The following TRPM3 variants were observed in gnomAD, a reference collection of about 807,000 sequenced individuals.
TRPM3 encodes the protein transient receptor potential cation channel subfamily M member 3, also known as long transient receptor potential channel 3.
TRPM3 carries 77 observed loss-of-function variants against 181.2 expected under a neutral mutation model. The ratio of observed to expected loss-of-function variants is 0.42; its 90% CI spans 0.35 to 0.51. The LOEUF is 0.51. Ranked by LOEUF, TRPM3 falls within the 20% of genes least tolerant of loss-of-function variation. TRPM3 has a pLI of 0.01. For missense variants in TRPM3, 1,759 were observed against 2,196.7 expected, an observed-to-expected ratio of 0.80 and a Z score of 3.98; for synonymous variants, 745 against 796.4, an observed-to-expected ratio of 0.94 and a Z score of 1.09.
intron 1 of TRPM3, among the ~76,000 whole-genome samples, chr9:71,166,688 T>G (rs2076556344): frequency 6.6e-6 from 1 of 152,228 alleles, no homozygotes; most frequent in African/African-American, 2.4e-5. Context: ...TTCATGGCCA[T>G]GTAGTCTTTA....
chr9:70,802,939 T>C (rs2089539189), intron 6 of TRPM3, among the ~76,000 whole-genome samples: 1 of 150,322 alleles, frequency 6.7e-6, no homozygotes, highest in African/African-American at 2.4e-5. Flanking sequence ...CTTCTTCTCA[T>C]TTCAAAAGAG....
chr9:71,000,392 T>G (rs944233177), intron 1 of TRPM3, among the ~76,000 whole-genome samples: 2 of 152,218 alleles, frequency 1.3e-5, no homozygotes, highest in African/African-American at 4.8e-5. Context: ...TAAAATAAAG[T>G]GCTAAAGTGG....
intron 1 of TRPM3, among the ~76,000 whole-genome samples, chr9:71,050,602 T>G (rs1480413317): frequency 2.0e-5 from 3 of 152,254 alleles, no homozygotes; most frequent in African/African-American, 7.2e-5. Flanking sequence ...CTTTATATAC[T>G]ACTTGTTGGC....
chr9:71,238,292 C>G (rs936663409), intron 1 of TRPM3, among the ~76,000 whole-genome samples: 5 of 152,108 alleles, frequency 3.3e-5, no homozygotes, highest in African/African-American at 1.2e-4. Flanking sequence ...GCTTCCTTCC[C>G]TACACATCAT....
intron 1 of TRPM3, among the ~76,000 whole-genome samples, chr9:71,104,904 T>A (rs1181364596): frequency 2.6e-5 from 4 of 152,218 alleles, no homozygotes; most frequent in African/African-American, 2.4e-5. Context: ...GGAAATGGTA[T>A]GATCATTTTG....
intron 1 of TRPM3, among the ~76,000 whole-genome samples, chr9:70,975,942 G>A (rs1009759964): frequency 3.3e-5 from 5 of 152,144 alleles, no homozygotes; most frequent in Non-Finnish European, 5.9e-5. Flanking sequence ...TACCCAAAGC[G>A]TCAAGCATAG....
chr9:70,812,957 G>A (rs1345982121), intron 6 of TRPM3, among the ~76,000 whole-genome samples: 1 of 152,128 alleles, frequency 6.6e-6, no homozygotes, highest in African/African-American at 2.4e-5. Flanking sequence ...ATGGTCTTAA[G>A]GGGGAAAATT....
intron 1 of TRPM3, among the ~76,000 whole-genome samples, chr9:71,091,771 G>T (rs1158166714): frequency 1.3e-5 from 2 of 151,884 alleles, no homozygotes; most frequent in Non-Finnish European, 2.9e-5. Context: ...TATTGATAAA[G>T]AAAATCAATG....
At chr9:71,101,122 T>C (rs2134052978) in intron 1 of TRPM3, among the ~76,000 whole-genome samples, 1 of 152,256 alleles carries the variant, frequency 6.6e-6, no homozygotes, top group South Asian at 2.1e-4. Flanking sequence ...AATAATACAC[T>C]TACTGCCTCT....
At chr9:71,410,425 T>G (rs1212822155) in intron 1 of TRPM3, among the ~76,000 whole-genome samples, 1 of 152,048 alleles carries the variant, frequency 6.6e-6, no homozygotes, top group Non-Finnish European at 1.5e-5. Flanking sequence ...ATAAAGGGGA[T>G]ATCACCACCA....
intron 7 of TRPM3, among the ~76,000 whole-genome samples, chr9:70,768,163 T>C: frequency 6.6e-6 from 1 of 152,212 alleles, no homozygotes; most frequent in Admixed American, 6.5e-5. Flanking sequence ...TTTTCTCTTC[T>C]AACAGATCAT....
chr9:70,699,813 T>C (rs951755919), intron 8 of TRPM3, among the ~76,000 whole-genome samples: 1 of 152,032 alleles, frequency 6.6e-6, no homozygotes, highest in Non-Finnish European at 1.5e-5. Flanking sequence ...GGGCCTGGAA[T>C]AGGGGTGGAG....
intron 1 of TRPM3, among the ~76,000 whole-genome samples, chr9:71,335,144 G>A (rs543968951): frequency 5.0e-4 from 76 of 152,246 alleles, no homozygotes; most frequent in African/African-American, 1.8e-3. Context: ...TGAAGTGAAA[G>A]TATGTTAATA....
chr9:71,211,711 C>T (rs557740634), intron 1 of TRPM3, among the ~76,000 whole-genome samples: 4 of 152,134 alleles, frequency 2.6e-5, no homozygotes, highest in Non-Finnish European at 5.9e-5. Flanking sequence ...GACATTCTCC[C>T]TATATGTGTG....
At chr9:71,131,537 T>C (rs1218885594) in intron 1 of TRPM3, among the ~76,000 whole-genome samples, 3 of 152,204 alleles carry the variant, frequency 2.0e-5, no homozygotes, top group African/African-American at 4.8e-5. Flanking sequence ...GACTATAGAA[T>C]GAACAAATGA....
intron 1 of TRPM3, among the ~76,000 whole-genome samples, chr9:71,252,445 T>C (rs2082402189): frequency 6.6e-6 from 1 of 152,170 alleles, no homozygotes; most frequent in Non-Finnish European, 1.5e-5. Context: ...CAGCTTATGA[T>C]ACAAACCGCC....
intron 1 of TRPM3, among the ~76,000 whole-genome samples, chr9:71,314,549 A>T (rs888749743): frequency 6.6e-6 from 1 of 152,134 alleles, no homozygotes; most frequent in African/African-American, 2.4e-5. Flanking sequence ...TCCTCAGAGA[A>T]ATCTGATGTG....
intron 1 of TRPM3, among the ~76,000 whole-genome samples, chr9:71,169,181 T>C (rs1005578294): frequency 2.0e-5 from 3 of 152,220 alleles, no homozygotes; most frequent in African/African-American, 7.2e-5. Flanking sequence ...TCCTTGTTTT[T>C]GTGTGTGAAA....
At chr9:70,841,624 C>CTATATATAGATATA (rs2094637087) in intron 5 of TRPM3, among the ~76,000 whole-genome samples, 1 of 72,916 alleles carries the variant, frequency 1.4e-5, no homozygotes, top group Non-Finnish European at 2.7e-5. Flanking sequence ...CTATATCCCA[C>CTATATATAGATATA]TATATATATA....
Sources: allele counts gnomAD v4.1 joint callset (sites outside exome capture counted in the v4.1 genomes callset), GRCh38; gene constraint gnomAD v4.1.1; transcripts MANE v1.5; gene names NCBI Gene and HGNC (gene_info 2026-07-23, HGNC 2026-07-21).